The following TTC6 variants were observed in gnomAD, a reference collection of about 807,000 sequenced individuals.
The protein encoded by TTC6 is tetratricopeptide repeat protein 6.
Under a neutral mutation model 210.4 loss-of-function variants are expected in TTC6, and 172 were observed. The observed-to-expected ratio is 0.82, with a 90% CI of 0.72 to 0.93. The LOEUF is 0.93. TTC6 is among the 40% of genes least tolerant of loss of function. TTC6 has a pLI of 0.00. For synonymous variants in TTC6, 804 were observed against 819.6 expected, an observed-to-expected ratio of 0.98 and a Z score of 0.32; for missense variants, 2,414 against 2,318.1, an observed-to-expected ratio of 1.04 and a Z score of -0.85.
chr14:37,692,571 C>G lies in TTC6; in HGVS notation c.1258-4146C>G, dbSNP rs1044729181. Among the ~76,000 whole-genome samples the G allele has an allele frequency of 2.8e-4, 42 of 152,084 alleles. 1 individual carries two copies. Among genetic ancestry groups the G allele is most frequent in the African/African-American group, 1.0e-3 (42 of 41,510 alleles). ...AGCTCAACATAATAAAAACCACATA[C>G]GGTTTTTACCGGTGTGGTGGCTCAC... On this transcript the variant is annotated intron_variant, in intron 3 of 30. Transcript: ENST00000553443.
intron 3 of TTC6, among the ~76,000 whole-genome samples, chr14:37,683,698 T>C (rs2095788733): frequency 6.6e-6 from 1 of 152,138 alleles, no homozygotes; most frequent in Admixed American, 6.6e-5. Flanking sequence ...TATGTATGTA[T>C]GGGAAAGAGC....
At chr14:37,634,263 G>T (rs1356301821) in intron 1 of TTC6, among the ~76,000 whole-genome samples, 1 of 151,958 alleles carries the variant, frequency 6.6e-6, no homozygotes, top group Non-Finnish European at 1.5e-5. Context: ...CAGAAAAGTA[G>T]AAAGTCTCAG....
chr14:37,777,691 C>A (rs1308263843), intron 14 of TTC6, among the ~76,000 whole-genome samples: 1 of 151,384 alleles, frequency 6.6e-6, no homozygotes, highest in Non-Finnish European at 1.5e-5. Context: ...TTTGAGTTGC[C>A]AGAGTCCTTG....
At chr14:37,717,835 C>G (rs1462436192) in intron 6 of TTC6, among the ~76,000 whole-genome samples, 1 of 152,174 alleles carries the variant, frequency 6.6e-6, no homozygotes, top group African/African-American at 2.4e-5. Context: ...TCCTCCAAAA[C>G]TCATGTTGAA....
At chr14:37,649,006 C>T (rs2095706562) in intron 1 of TTC6, among the ~76,000 whole-genome samples, 2 of 151,962 alleles carry the variant, frequency 1.3e-5, no homozygotes, top group Non-Finnish European at 1.5e-5. Flanking sequence ...CACCTCCCCA[C>T]CCCCCAGGAT....
intron 1 of TTC6, 130 bp downstream of exon 3, chr14:37,623,133 G>A (rs1376947753): frequency 1.6e-6 from 1 of 630,282 alleles, no homozygotes; most frequent in Non-Finnish European, 2.5e-6. Flanking sequence ...CAAAAACACT[G>A]GGGTGTTATT....
intron 3 of TTC6, among the ~76,000 whole-genome samples, chr14:37,688,372 T>C (rs926518871): frequency 6.6e-5 from 10 of 152,158 alleles, no homozygotes; most frequent in African/African-American, 2.4e-4. Context: ...TGAGCGAATT[T>C]GCTGCAAATG....
At chr14:37,619,293 C>T (rs1021543257), upstream of TTC6, among the ~76,000 whole-genome samples, 3 of 152,006 alleles carry the variant, frequency 2.0e-5, no homozygotes, top group African/African-American at 7.2e-5. Flanking sequence ...ATGAGCTCTT[C>T]GTGTAGCAGG....
chr14:37,640,343 T>A (rs2095689507), intron 1 of TTC6, among the ~76,000 whole-genome samples: 1 of 152,176 alleles, frequency 6.6e-6, no homozygotes, highest in South Asian at 2.1e-4. Flanking sequence ...TCAATTTCTA[T>A]GCATACCAGA....
rs536135877 is a variant in TTC6 at position 37,699,011 on chromosome 14, A to G, written c.1376+2176A>G. Among the ~76,000 whole-genome samples the G allele has an allele frequency of 4.6e-5, 7 of 152,310 alleles. No homozygotes were observed. In the East Asian group the frequency reaches 1.4e-3, roughly 29 times the overall value. ...ATTCTTTACACCATGCTAATCTCTGAATCAGTGCCAGCCATATTGAGTGGT... is the reference window on the plus strand; with the variant it reads ...ATTCTTTACACCATGCTAATCTCTGGATCAGTGCCAGCCATATTGAGTGGT... On this transcript the variant is annotated intron_variant, in intron 4 of 30. Transcript: ENST00000553443.
intron 14 of TTC6, among the ~76,000 whole-genome samples, chr14:37,776,884 G>A (rs1031588264): frequency 1.3e-5 from 2 of 151,834 alleles, no homozygotes; most frequent in Admixed American, 6.6e-5. Context: ...GCGCAAGAGT[G>A]AAACTCCATC....
intron 8 of TTC6, among the ~76,000 whole-genome samples, chr14:37,737,312 T>C (rs2095904368): frequency 6.6e-6 from 1 of 152,138 alleles, no homozygotes. Flanking sequence ...GATTCATGGC[T>C]CAGCATATCT....
chr14:37,622,617 C>T (rs978290429), exon 1 of TTC6: 15 of 1,534,660 alleles, frequency 9.8e-6, no homozygotes, highest in Middle Eastern at 1.7e-4. Flanking sequence ...GGGAAGGGAG[C>T]GCGAACAGAG....
intron 1 of TTC6, among the ~76,000 whole-genome samples, chr14:37,642,945 A>G (rs2095694825): frequency 6.6e-6 from 1 of 152,244 alleles, no homozygotes; most frequent in Non-Finnish European, 1.5e-5. Flanking sequence ...ACCTTATGGA[A>G]TCACTGTCAT....
chr14:37,699,538 A>G (rs2095820906), intron 4 of TTC6, among the ~76,000 whole-genome samples: 2 of 152,178 alleles, frequency 1.3e-5, no homozygotes, highest in Non-Finnish European at 1.5e-5. Context: ...GCAACAACCA[A>G]TCAATTTGCT....
chr14:37,629,035 AGCATGAT>A (rs774344467), intron 1 of TTC6, among the ~76,000 whole-genome samples: 90 of 152,326 alleles, frequency 5.9e-4, no homozygotes, highest in Non-Finnish European at 8.5e-4. Flanking sequence ...GAAGTCAGGT[AGCATGAT>A]GCCTCCAGCT....
chr14:37,748,961 C>G (rs1387229850), exon 11 of TTC6: 2 of 1,520,150 alleles, frequency 1.3e-6, no homozygotes, highest in South Asian at 2.5e-5. Context: ...TGGAATACTT[C>G]CGGGACAGAA....
rs577304374 is a variant in TTC6 at position 37,725,359 on chromosome 14, AT to A, written c.1818+365del. On this transcript the variant is annotated intron_variant, in intron 7 of 30. Coordinates refer to ENST00000553443, the Ensembl canonical transcript of TTC6. ...ATATATATATATATATATATATATA[AT>A]TTTTTTTGAGATGGAGTTTTGCTCT... 6.7e-3 allele frequency among the ~76,000 whole-genome samples: 405 copies of A among 60,058 alleles called. 3 individuals are homozygous for A. The highest frequency in any genetic ancestry group is 0.025 in the African/African-American group (375 of 14,790). The allele number at this position is 60,058 out of a possible 152,430, so 39.4% of individuals were successfully genotyped here.
At chr14:37,682,219 AG>A (rs2095785493) in intron 2 of TTC6, among the ~76,000 whole-genome samples, 1 of 152,068 alleles carries the variant, frequency 6.6e-6, no homozygotes, top group East Asian at 1.9e-4. Flanking sequence ...AGGCTAAAAA[AG>A]TTTAAGTAAC....
Sources: gnomAD v4.1 joint callset for allele counts (sites outside exome capture counted in the v4.1 genomes callset) on GRCh38, gnomAD v4.1.1 for gene constraint, MANE v1.5 for transcripts, NCBI Gene and HGNC (gene_info 2026-07-23, HGNC 2026-07-21) for gene names.